Variants in MTUS2 observed in about 807,000 individuals in gnomAD.
MTUS2 encodes the protein microtubule associated scaffold protein 2.
Under a neutral mutation model 114.1 loss-of-function variants are expected in MTUS2, and 40 were observed. The ratio of observed to expected loss-of-function variants is 0.35; its 90% CI spans 0.27 to 0.46. The LOEUF is 0.46. Among genes scored for constraint, MTUS2 ranks in the 20% least tolerant of loss-of-function variants. The pLI, the probability that MTUS2 is intolerant of heterozygous loss-of-function variation, is 1.00. For missense variants in MTUS2, 1,679 were observed against 1,705.4 expected, an observed-to-expected ratio of 0.98 and a Z score of 0.27; for synonymous variants, 688 against 672.0, an observed-to-expected ratio of 1.02 and a Z score of -0.37.
chr13:29,490,889 A>G (rs192640310), intron 11 of MTUS2, among the ~76,000 whole-genome samples: 2 of 152,356 alleles, frequency 1.3e-5, no homozygotes, highest in South Asian at 2.1e-4. Context: ...TTACCTAGTT[A>G]TTTTGCCATG....
At chr13:29,136,563 G>A (rs1162253930) in intron 5 of MTUS2, among the ~76,000 whole-genome samples, 1 of 152,148 alleles carries the variant, frequency 6.6e-6, no homozygotes, top group Non-Finnish European at 1.5e-5. Flanking sequence ...GATTAAATCA[G>A]TCATGTTTGT....
chr13:29,027,029 G>T (rs1886592909), intron 3 of MTUS2, 126 bp downstream of exon 3: 2 of 1,021,542 alleles, frequency 2.0e-6, no homozygotes, highest in South Asian at 3.7e-5. Context: ...GGATACACTT[G>T]TGAAGAAATG....
chr13:29,095,225 T>C (rs1890127434), intron 4 of MTUS2, among the ~76,000 whole-genome samples: 1 of 152,148 alleles, frequency 6.6e-6, no homozygotes, highest in Non-Finnish European at 1.5e-5. Flanking sequence ...TGCCTCATTG[T>C]TCTATTATTG....
intron 5 of MTUS2, among the ~76,000 whole-genome samples, chr13:29,150,379 G>GCTTA (rs1400991365): frequency 1.3e-5 from 2 of 152,004 alleles, no homozygotes; most frequent in South Asian, 2.1e-4. Context: ...CATGTATTTT[G>GCTTA]CTTACCTTTT....
rs144094010 is a variant in MTUS2, at chr13:29,134,709, C to T, written c.2644+33739C>T. Among the ~76,000 whole-genome samples, 371 of 152,002 alleles carry T rather than the reference C, an allele frequency of 2.4e-3. 4 individuals carry two copies. The highest frequency in any genetic ancestry group is 8.2e-3 in the African/African-American group (340 of 41,518). On this transcript the variant is annotated intron_variant, in intron 5 of 15. Coordinates refer to ENST00000612955, the MANE Select transcript of MTUS2 (RefSeq NM_001033602.4). ...GCCTCCCGAGTTCAAGCAATTATCC[C>T]GCCTTAGCTTCCCGAGTAGCTGGGA...
At chr13:29,491,592 CAGGT>C (rs1882092009) in intron 11 of MTUS2, among the ~76,000 whole-genome samples, 1 of 132,220 alleles carries the variant, frequency 7.6e-6, no homozygotes, top group African/African-American at 2.9e-5. Context: ...GTGTGTGTGA[CAGGT>C]GTGTGTGTGT....
chr13:29,281,494 G>A (rs912820084), intron 5 of MTUS2, among the ~76,000 whole-genome samples: 15 of 151,830 alleles, frequency 9.9e-5, no homozygotes. Context: ...TTTAGTGCAC[G>A]GGATTTGTGT....
At chr13:28,830,185 T>G (rs190983917) in intron 1 of MTUS2, among the ~76,000 whole-genome samples, 2 of 152,314 alleles carry the variant, frequency 1.3e-5, no homozygotes, top group East Asian at 3.9e-4. Context: ...CAAACCTTTA[T>G]GCAGAGTGGA....
At chr13:29,336,561 G>T (rs903783934) in intron 7 of MTUS2, among the ~76,000 whole-genome samples, 6 of 152,172 alleles carry the variant, frequency 3.9e-5, no homozygotes, top group Non-Finnish European at 8.8e-5. Context: ...GAGCTTTCCT[G>T]TATGAGATGT....
chr13:29,256,107 G>A (rs1022329798), intron 5 of MTUS2, among the ~76,000 whole-genome samples: 1 of 152,200 alleles, frequency 6.6e-6, no homozygotes, highest in Non-Finnish European at 1.5e-5. Context: ...TGACAGTGGC[G>A]TCATCTTAGA....
intron 4 of MTUS2, among the ~76,000 whole-genome samples, chr13:29,067,162 G>T (rs970209580): frequency 6.6e-6 from 1 of 152,164 alleles, no homozygotes; most frequent in African/African-American, 2.4e-5. Context: ...CTAAGGAGAA[G>T]TCTGAGCCAA....
At chr13:28,968,007 A>G (rs902229165) in intron 2 of MTUS2, among the ~76,000 whole-genome samples, 1 of 152,216 alleles carries the variant, frequency 6.6e-6, no homozygotes, top group South Asian at 2.1e-4. Flanking sequence ...GAAACATGCA[A>G]TAGATAAAAA....
chr13:29,122,241 G>A (rs1438732389), intron 5 of MTUS2, among the ~76,000 whole-genome samples: 3 of 152,138 alleles, frequency 2.0e-5, no homozygotes, highest in Non-Finnish European at 4.4e-5. Context: ...GGAGGCTTTG[G>A]GTTGGTGGAA....
At chr13:28,895,630 TCC>T (rs1214810253) in intron 2 of MTUS2, among the ~76,000 whole-genome samples, 1 of 152,164 alleles carries the variant, frequency 6.6e-6, no homozygotes, top group Non-Finnish European at 1.5e-5. Flanking sequence ...CGTCTGTAGG[TCC>T]ATGAAGATGA....
At chr13:29,459,371 G>A (rs115766759) in intron 9 of MTUS2, among the ~76,000 whole-genome samples, 90 of 152,188 alleles carry the variant, frequency 5.9e-4, no homozygotes, top group African/African-American at 2.0e-3. Flanking sequence ...CATCCAACAG[G>A]TCATCAGTTT....
chr13:29,345,880 G>C (rs1762348704), intron 7 of MTUS2, among the ~76,000 whole-genome samples: 1 of 151,968 alleles, frequency 6.6e-6, no homozygotes, highest in Non-Finnish European at 1.5e-5. Context: ...CCTTCCCCTA[G>C]GGGTGGGGCT....
At chr13:29,198,600 G>T (rs541675903) in intron 5 of MTUS2, among the ~76,000 whole-genome samples, 1 of 152,098 alleles carries the variant, frequency 6.6e-6, no homozygotes, top group African/African-American at 2.4e-5. Flanking sequence ...TTCTAATTCT[G>T]TGAAGAAAGT....
chr13:29,100,385 A>G (rs181152922), intron 4 of MTUS2, among the ~76,000 whole-genome samples: 1 of 152,244 alleles, frequency 6.6e-6, no homozygotes, highest in Non-Finnish European at 1.5e-5. Flanking sequence ...TTGTATGTCA[A>G]AATTTAAGGT....
chr13:29,343,470 C>G (rs2138132794), intron 7 of MTUS2, among the ~76,000 whole-genome samples: 1 of 152,002 alleles, frequency 6.6e-6, no homozygotes, highest in East Asian at 1.9e-4. Flanking sequence ...CTGGAATGAT[C>G]TTTTGTATCT....
Sources: gnomAD v4.1 joint callset for allele counts (sites outside exome capture counted in the v4.1 genomes callset) on GRCh38, gnomAD v4.1.1 for gene constraint, MANE v1.5 for transcripts, NCBI Gene and HGNC (gene_info 2026-07-23, HGNC 2026-07-21) for gene names.